MLLT3: variants seen among roughly 807,000 people sequenced by gnomAD.
MLLT3 encodes MLLT3 super elongation complex subunit.
MLLT3 carries 4 observed loss-of-function variants against 53.2 expected under a neutral mutation model. The ratio of observed to expected loss-of-function variants is 0.08; its 90% CI spans 0.04 to 0.17. MLLT3 has a LOEUF of 0.17. Among genes scored for constraint, MLLT3 ranks in the 10% least tolerant of loss-of-function variants. MLLT3 has a pLI of 1.00. For synonymous variants in MLLT3, 283 were observed against 230.6 expected, an observed-to-expected ratio of 1.23 and a Z score of -2.06; for missense variants, 569 against 684.0, an observed-to-expected ratio of 0.83 and a Z score of 1.87.
At chr9:20,453,170 A>G (rs1215239943) in intron 3 of MLLT3, among the ~76,000 whole-genome samples, 2 of 152,232 alleles carry the variant, frequency 1.3e-5, no homozygotes, top group Admixed American at 6.5e-5. Context: ...TTAAGAAATT[A>G]GTAACATATA....
At position 20,621,640 on chromosome 9, in the gene MLLT3, G is replaced by A. The variant is rs1398328538; in HGVS notation, c.12+605C>T. ...CAAAAAATGAAATTCAGAAAGGCAG[G>A]GCGGCGGGCGGACAGCCGCCGAGCC... On this transcript the variant is annotated intron_variant, in intron 1 of 10. Transcript: ENST00000380338. This position sits in a 1 kb window ranked among gnomAD's most constrained non-coding sequence, Gnocchi z 7.0. The A allele has an allele frequency of 1.2e-6, 1 of 838,410 alleles. No homozygotes were observed. The highest frequency in any genetic ancestry group is 3.6e-5 in the Admixed American group (1 of 27,646). 51.9% of individuals were successfully genotyped at this position (838,410 alleles called of 1,614,324 possible).
chr9:20,375,136 C>G (rs1449202109), intron 5 of MLLT3, among the ~76,000 whole-genome samples: 11 of 152,222 alleles, frequency 7.2e-5, no homozygotes, highest in Admixed American at 7.2e-4. Flanking sequence ...GACACTCAGT[C>G]TACTGTATTT....
At chr9:20,581,992 A>T (rs74559714) in intron 2 of MLLT3, among the ~76,000 whole-genome samples, 2,667 of 152,262 alleles carry the variant, frequency 0.018, 75 homozygotes, top group East Asian at 0.14. Flanking sequence ...AATATTTTTA[A>T]TTTTTTATAT....
At chr9:20,517,191 A>G (rs1817937242) in intron 2 of MLLT3, among the ~76,000 whole-genome samples, 1 of 152,204 alleles carries the variant, frequency 6.6e-6, no homozygotes, top group South Asian at 2.1e-4. Flanking sequence ...TTTCCTCAGA[A>G]AAACAGAAAA....
In MLLT3 at chr9:20,580,361, C is replaced by CT. The variant is rs1036383786; in HGVS notation, c.193+40292dup. On this transcript the variant is annotated intron_variant, in intron 2 of 10. Transcript: ENST00000380338. Reference sequence around the variant, plus strand: ...TTGCATGTTACGTTAGTTAACTTGACTTTTTTTTTTTTAAGCTCGATTTCT... The same window carrying CT: ...TTGCATGTTACGTTAGTTAACTTGACTTTTTTTTTTTTTAAGCTCGATTTCT... Among the ~76,000 whole-genome samples, 401 of 145,854 alleles carry CT rather than the reference C, an allele frequency of 2.7e-3. 4 individuals carry two copies. Among genetic ancestry groups the CT allele is most frequent in the Admixed American group, 0.018 (264 of 14,554 alleles).
At chr9:20,534,747 G>A (rs918184606) in intron 2 of MLLT3, among the ~76,000 whole-genome samples, 3 of 152,032 alleles carry the variant, frequency 2.0e-5, no homozygotes, top group South Asian at 2.1e-4. Context: ...TTAGCTGGGC[G>A]TGGTGGCAGG....
At chr9:20,518,164 G>A (rs542334940) in intron 2 of MLLT3, among the ~76,000 whole-genome samples, 1 of 152,230 alleles carries the variant, frequency 6.6e-6, no homozygotes, top group East Asian at 1.9e-4. Context: ...TGGCCAACAT[G>A]GTGAAACCTC....
At chr9:20,546,767 T>G (rs1818798765) in intron 2 of MLLT3, among the ~76,000 whole-genome samples, 1 of 152,246 alleles carries the variant, frequency 6.6e-6, no homozygotes, top group African/African-American at 2.4e-5. Context: ...ACTCCCATCC[T>G]GTCCCGTGGA....
At chr9:20,594,110 T>G (rs1820193411) in intron 2 of MLLT3, among the ~76,000 whole-genome samples, 1 of 151,888 alleles carries the variant, frequency 6.6e-6, no homozygotes, top group South Asian at 2.1e-4. Flanking sequence ...CTGGCTAATT[T>G]TTTGTATTTT....
intron 2 of MLLT3, among the ~76,000 whole-genome samples, chr9:20,509,256 T>C (rs751423697): frequency 1.4e-4 from 22 of 152,236 alleles, no homozygotes; most frequent in Non-Finnish European, 2.8e-4. Context: ...GGCAATCTTT[T>C]TGTTTTATGG....
intron 5 of MLLT3, among the ~76,000 whole-genome samples, chr9:20,398,109 T>A (rs1822367191): frequency 6.6e-6 from 1 of 151,726 alleles, no homozygotes; most frequent in Non-Finnish European, 1.5e-5. Context: ...TAATTTTTAA[T>A]TTTTTTTTAT....
At position 20,542,919 on chromosome 9, in the gene MLLT3, G is replaced by A. The variant is rs138780262; in HGVS notation, c.193+77735C>T. Reference sequence around the variant, plus strand: ...CTGGATAACTTGCTGCAGCTTCTACGTCAGCACTTGCTGCTTCACCTTGCA... The same window carrying A: ...CTGGATAACTTGCTGCAGCTTCTACATCAGCACTTGCTGCTTCACCTTGCA... On this transcript the variant is annotated intron_variant, in intron 2 of 10. Coordinates refer to ENST00000380338, the MANE Select transcript of MLLT3 (RefSeq NM_004529.4). Among the ~76,000 whole-genome samples the A allele has an allele frequency of 4.0e-3, 615 of 152,314 alleles. 1 individual carries two copies. The highest frequency in any genetic ancestry group is 6.7e-3 in the Non-Finnish European group (453 of 68,026).
At chr9:20,570,751 GTTC>G (rs1359843953) in intron 2 of MLLT3, among the ~76,000 whole-genome samples, 3 of 144,726 alleles carry the variant, frequency 2.1e-5, no homozygotes, top group Non-Finnish European at 4.4e-5. Context: ...AATACCGATT[GTTC>G]TTCTTTAAAA....
chr9:20,422,929 A>T (rs1431119521), intron 4 of MLLT3, among the ~76,000 whole-genome samples: 1 of 152,224 alleles, frequency 6.6e-6, no homozygotes, highest in East Asian at 1.9e-4. Context: ...TATCATTATT[A>T]ACTCAACAAT....
intron 2 of MLLT3, among the ~76,000 whole-genome samples, chr9:20,563,015 C>T (rs1057007162): frequency 6.6e-6 from 1 of 152,136 alleles, no homozygotes; most frequent in Non-Finnish European, 1.5e-5. Flanking sequence ...AGCTCACAGC[C>T]CTGCTGGCTT....
chr9:20,367,685 T>A (rs1043652315), intron 5 of MLLT3, among the ~76,000 whole-genome samples: 3 of 152,256 alleles, frequency 2.0e-5, no homozygotes, highest in African/African-American at 7.2e-5. Context: ...ATTTTTAATA[T>A]GCTCATAGTC....
At chr9:20,592,015 A>C (rs1177858227) in intron 2 of MLLT3, among the ~76,000 whole-genome samples, 1 of 152,184 alleles carries the variant, frequency 6.6e-6, no homozygotes, top group African/African-American at 2.4e-5. Flanking sequence ...GAATAGAATG[A>C]ATAAGAATTA....
chr9:20,481,328 G>A (rs1001294963), intron 2 of MLLT3, among the ~76,000 whole-genome samples: 4 of 152,162 alleles, frequency 2.6e-5, no homozygotes, highest in African/African-American at 9.7e-5. Flanking sequence ...GCTGTCACAG[G>A]AGCAAACATT....
chr9:20,352,122 T>G (rs1475551124), intron 10 of MLLT3, among the ~76,000 whole-genome samples: 1 of 152,242 alleles, frequency 6.6e-6, no homozygotes, highest in Non-Finnish European at 1.5e-5. Flanking sequence ...AACATTAAAT[T>G]GCGAATGCCA....
Sources: gnomAD v4.1 joint callset for allele counts (sites outside exome capture counted in the v4.1 genomes callset) on GRCh38, gnomAD v4.1.1 for gene constraint, Gnocchi (gnomAD v3.1) non-coding constraint, MANE v1.5 for transcripts, NCBI Gene and HGNC (gene_info 2026-07-23, HGNC 2026-07-21) for gene names.